ATP8B4: variants seen among roughly 807,000 people sequenced by gnomAD.
ATP8B4 encodes ATPase phospholipid transporting 8B4 (putative), also known as probable phospholipid-transporting ATPase IM.
A neutral mutation model predicts 145.6 loss-of-function variants in ATP8B4; 133 were observed. The ratio of observed to expected loss-of-function variants is 0.91; its 90% CI spans 0.79 to 1.05. The LOEUF is 1.05. Ranked by LOEUF, ATP8B4 falls within the 50% of genes least tolerant of loss-of-function variation. The probability of loss-of-function intolerance (pLI) is 0.00; values close to 1 mark genes in which losing one functional copy is unlikely to be tolerated. For missense variants in ATP8B4, 1,458 were observed against 1,425.2 expected, an observed-to-expected ratio of 1.02 and a Z score of -0.37; for synonymous variants, 507 against 492.9, an observed-to-expected ratio of 1.03 and a Z score of -0.38.
At chr15:50,166,041 A>C (rs1030853425) in intron 1 of ATP8B4, among the ~76,000 whole-genome samples, 6 of 151,864 alleles carry the variant, frequency 4.0e-5, no homozygotes, top group African/African-American at 1.5e-4. Context: ...GATAAAGGGA[A>C]AATCTTGAAA....
rs369833812 is a variant in ATP8B4 at position 49,923,503 on chromosome 15, A to T, written c.1643-9T>A. The T allele has an allele frequency of 8.3e-6, 13 of 1,574,630 alleles. No individual in the cohort carries two copies. The highest frequency in any genetic ancestry group is 1.9e-5 in the Admixed American group (1 of 52,704). ...TCCTTCTGGGTTTCGAACTGAAAAG[A>T]AAAAAGTTTGGAAAAGCAGAATATA... is the stretch of plus-strand genomic sequence containing the variant. On this transcript the variant is annotated splice_polypyrimidine_tract_variant and intron_variant, in intron 16 of 27. Coordinates refer to ENST00000284509, the MANE Select transcript of ATP8B4 (RefSeq NM_024837.4).
chr15:50,061,166 A>G (rs1331468773), intron 3 of ATP8B4, among the ~76,000 whole-genome samples: 2 of 150,278 alleles, frequency 1.3e-5, no homozygotes, highest in Non-Finnish European at 3.0e-5. Flanking sequence ...TTCGTTTTCA[A>G]TCCTTTAAGA....
At chr15:50,171,449 G>C (rs1272275583) in intron 1 of ATP8B4, among the ~76,000 whole-genome samples, 1 of 152,184 alleles carries the variant, frequency 6.6e-6, no homozygotes, top group Non-Finnish European at 1.5e-5. Flanking sequence ...ACCTGATCCT[G>C]AATGAGCTTT....
At chr15:49,939,304 A>C (rs2041977291) in intron 14 of ATP8B4, among the ~76,000 whole-genome samples, 1 of 152,116 alleles carries the variant, frequency 6.6e-6, no homozygotes, top group South Asian at 2.1e-4. Context: ...ACAATCAATA[A>C]AACCAAAAGT....
chr15:49,898,287 G>C, intron 21 of ATP8B4, 36 bp from the exon 22 acceptor site: 1 of 1,579,906 alleles, frequency 6.3e-7, no homozygotes, highest in Non-Finnish European at 8.7e-7. Flanking sequence ...ACAAGAACAG[G>C]AAACAATAAA....
intron 25 of ATP8B4, among the ~76,000 whole-genome samples, chr15:49,869,601 C>T (rs2033370173): frequency 6.6e-6 from 1 of 152,114 alleles, no homozygotes; most frequent in Non-Finnish European, 1.5e-5. Flanking sequence ...AGGTAAAAAT[C>T]TCTTTGAAAC....
At chr15:50,124,672 C>T (rs914725478) in intron 1 of ATP8B4, among the ~76,000 whole-genome samples, 1 of 152,178 alleles carries the variant, frequency 6.6e-6, no homozygotes, top group Non-Finnish European at 1.5e-5. Context: ...CAGCTCCTGA[C>T]AGTGATCTGG....
rs141661501 is a variant in ATP8B4 at position 49,866,612 on chromosome 15, G to A, written c.3028-128C>T. The A allele has an allele frequency of 3.2e-4, 341 of 1,067,480 alleles. 1 individual carries two copies. The highest frequency in any genetic ancestry group is 2.2e-3 in the African/African-American group (139 of 62,572). 66.1% of individuals were successfully genotyped at this position (1,067,480 alleles called of 1,614,324 possible). On this transcript the variant is annotated intron_variant, in intron 25 of 27. Transcript: ENST00000284509. ...CACCTGCCTAGTTGCCAAGCCAACCGCGGGCATCCCCACTTTCTGAACACA... is the reference window on the plus strand; with the variant it reads ...CACCTGCCTAGTTGCCAAGCCAACCACGGGCATCCCCACTTTCTGAACACA...
chr15:49,993,574 G>T (rs1256953496), intron 9 of ATP8B4, among the ~76,000 whole-genome samples: 1 of 152,104 alleles, frequency 6.6e-6, no homozygotes, highest in Admixed American at 6.6e-5. Context: ...AAATTTGGCT[G>T]CTAACTGGGG....
At chr15:50,131,696 T>C (rs1358777877) in intron 1 of ATP8B4, among the ~76,000 whole-genome samples, 1 of 150,802 alleles carries the variant, frequency 6.6e-6, no homozygotes, top group African/African-American at 2.4e-5. Context: ...TTCAAACTCT[T>C]AGTAGTATCT....
At chr15:49,867,843 T>C (rs2033062413) in intron 25 of ATP8B4, among the ~76,000 whole-genome samples, 1 of 152,128 alleles carries the variant, frequency 6.6e-6, no homozygotes, top group African/African-American at 2.4e-5. Flanking sequence ...ATTTAAAAAT[T>C]CAACAGCAAA....
At chr15:49,874,280 TA>T in intron 25 of ATP8B4, among the ~76,000 whole-genome samples, 1 of 152,160 alleles carries the variant, frequency 6.6e-6, no homozygotes, top group East Asian at 1.9e-4. Context: ...CTAGAGAAAA[TA>T]AAGGGGCCTT....
chr15:49,896,835 C>A (rs923993534), intron 23 of ATP8B4: 5 of 152,916 alleles, frequency 3.3e-5, no homozygotes, highest in African/African-American at 1.2e-4. Context: ...CAACTTTTAG[C>A]TGATGAATTG....
intron 1 of ATP8B4, among the ~76,000 whole-genome samples, chr15:50,162,373 C>T (rs1020909307): frequency 3.3e-5 from 5 of 151,548 alleles, no homozygotes; most frequent in Admixed American, 1.3e-4. Context: ...TCCCCAAATA[C>T]GGAAATTTTT....
At chr15:49,942,324 C>G (rs2042223731) in intron 14 of ATP8B4, among the ~76,000 whole-genome samples, 1 of 151,716 alleles carries the variant, frequency 6.6e-6, no homozygotes, top group African/African-American at 2.4e-5. Context: ...CAGAAGAAAA[C>G]TGTGACCAAA....
intron 20 of ATP8B4, among the ~76,000 whole-genome samples, chr15:49,915,732 A>G (rs1353928699): frequency 6.6e-6 from 1 of 151,992 alleles, no homozygotes; most frequent in Non-Finnish European, 1.5e-5. Context: ...CAATAATAAT[A>G]TTTAAATTAT....
At chr15:50,143,791 G>A (rs1659988055) in intron 1 of ATP8B4, among the ~76,000 whole-genome samples, 1 of 152,150 alleles carries the variant, frequency 6.6e-6, no homozygotes, top group African/African-American at 2.4e-5. Flanking sequence ...GTGATTAAAG[G>A]TACCATGTTA....
intron 15 of ATP8B4, among the ~76,000 whole-genome samples, chr15:49,932,895 C>A (rs539002918): frequency 1.1e-4 from 17 of 152,080 alleles, no homozygotes; most frequent in African/African-American, 3.9e-4. Context: ...TAAATAGAAC[C>A]CTCCTTATAA....
At chr15:49,874,467 T>C (rs1019567160) in intron 25 of ATP8B4, among the ~76,000 whole-genome samples, 2 of 152,100 alleles carry the variant, frequency 1.3e-5, no homozygotes, top group African/African-American at 4.8e-5. Context: ...ATTGGAGGGA[T>C]GGCTAGGACC....
Sources: allele counts gnomAD v4.1 joint callset (sites outside exome capture counted in the v4.1 genomes callset), GRCh38; gene constraint gnomAD v4.1.1; transcripts MANE v1.5; gene names NCBI Gene and HGNC (gene_info 2026-07-23, HGNC 2026-07-21).